The following LRRC4C variants were observed in gnomAD, a reference collection of about 807,000 sequenced individuals.
LRRC4C encodes the protein leucine rich repeat containing 4C.
A neutral mutation model predicts 33.6 loss-of-function variants in LRRC4C; 5 were observed. That is an observed-to-expected ratio of 0.15 (90% CI 0.08 to 0.31). The LOEUF is 0.31. Ranked by LOEUF, LRRC4C falls within the 10% of genes least tolerant of loss-of-function variation. The pLI, the probability that LRRC4C is intolerant of heterozygous loss-of-function variation, is 1.00. For missense variants in LRRC4C, 560 were observed against 796.7 expected, an observed-to-expected ratio of 0.70 and a Z score of 3.58; for synonymous variants, 329 against 302.0, an observed-to-expected ratio of 1.09 and a Z score of -0.93.
chr11:40,426,724 T>C (rs1950730082), intron 3 of LRRC4C, among the ~76,000 whole-genome samples: 1 of 152,232 alleles, frequency 6.6e-6, no homozygotes, highest in African/African-American at 2.4e-5. Context: ...TCCTGAATAC[T>C]TAGAATAGTT....
intron 3 of LRRC4C, among the ~76,000 whole-genome samples, chr11:40,324,525 C>A (rs1437835416): frequency 2.0e-5 from 3 of 152,130 alleles, no homozygotes; most frequent in Non-Finnish European, 4.4e-5. Flanking sequence ...TGAGTTCTAC[C>A]ACCCTCACTC....
At chr11:40,359,212 C>G (rs1459615458) in intron 3 of LRRC4C, among the ~76,000 whole-genome samples, 1 of 152,244 alleles carries the variant, frequency 6.6e-6, no homozygotes, top group South Asian at 2.1e-4. Flanking sequence ...AGCAGGATAC[C>G]AGTATGTGGC....
chr11:41,133,333 A>T (rs1467112910), intron 1 of LRRC4C, among the ~76,000 whole-genome samples: 1 of 152,126 alleles, frequency 6.6e-6, no homozygotes, highest in African/African-American at 2.4e-5. Context: ...GAGAGTAGAA[A>T]ATACTTAGGA....
At chr11:40,501,513 G>T (rs762424390) in intron 3 of LRRC4C, among the ~76,000 whole-genome samples, 3 of 152,186 alleles carry the variant, frequency 2.0e-5, no homozygotes, top group Non-Finnish European at 4.4e-5. Context: ...CTCAATTCAT[G>T]ACTTCTGTGC....
chr11:40,484,747 T>C (rs1185251245), intron 3 of LRRC4C, among the ~76,000 whole-genome samples: 1 of 152,092 alleles, frequency 6.6e-6, no homozygotes, highest in African/African-American at 2.4e-5. Context: ...AAAAGAATTA[T>C]TCCAAATAGC....
intron 2 of LRRC4C, among the ~76,000 whole-genome samples, chr11:40,764,390 A>G (rs572656132): frequency 1.3e-5 from 2 of 152,198 alleles, no homozygotes; most frequent in Middle Eastern, 3.4e-3. Context: ...AGTACAGAAG[A>G]GGAAAGAGTG....
intron 1 of LRRC4C, among the ~76,000 whole-genome samples, chr11:41,205,406 G>A (rs1452478864): frequency 6.6e-6 from 1 of 152,174 alleles, no homozygotes; most frequent in African/African-American, 2.4e-5. Flanking sequence ...AAATCTTCAA[G>A]GCAGGAGACA....
At chr11:40,551,032 T>C (rs954308363) in intron 3 of LRRC4C, among the ~76,000 whole-genome samples, 2 of 152,116 alleles carry the variant, frequency 1.3e-5, no homozygotes, top group Admixed American at 6.6e-5. Context: ...AGGGGAAGAT[T>C]AAAGAGATCC....
At chr11:40,555,014 C>G (rs147251224) in intron 3 of LRRC4C, among the ~76,000 whole-genome samples, 1 of 143,086 alleles carries the variant, frequency 7.0e-6, no homozygotes, top group Non-Finnish European at 1.5e-5. Context: ...AGCCACCGCG[C>G]CCGGCCAATG....
chr11:41,372,570 T>A (rs1374925575), intron 1 of LRRC4C, among the ~76,000 whole-genome samples: 1 of 152,190 alleles, frequency 6.6e-6, no homozygotes, highest in Non-Finnish European at 1.5e-5. Flanking sequence ...ACCAAACTTA[T>A]GAACTATTAA....
intron 5 of LRRC4C, among the ~76,000 whole-genome samples, chr11:40,213,101 T>C (rs538467314): frequency 6.5e-4 from 99 of 152,240 alleles, no homozygotes; most frequent in African/African-American, 2.2e-3. Flanking sequence ...AAACTCAACT[T>C]AGAGCCACAA....
chr11:40,733,067 T>G (rs1947678977), intron 2 of LRRC4C, among the ~76,000 whole-genome samples: 1 of 95,916 alleles, frequency 1.0e-5, no homozygotes, highest in Non-Finnish European at 2.0e-5. Flanking sequence ...TATAGTTTTT[T>G]TTTTTTTTTT....
At chr11:40,548,009 G>A (rs115125288) in intron 3 of LRRC4C, among the ~76,000 whole-genome samples, 2,907 of 152,090 alleles carry the variant, frequency 0.019, 101 homozygotes, top group African/African-American at 0.066. Flanking sequence ...CAATAAACAC[G>A]GAGAATCAGT....
At chr11:41,071,478 G>A (rs144581872) in intron 1 of LRRC4C, among the ~76,000 whole-genome samples, 2,161 of 152,146 alleles carry the variant, frequency 0.014, 11 homozygotes, top group Middle Eastern at 0.041. Flanking sequence ...CAAATTATGC[G>A]AACTCTGCTC....
chr11:41,043,466 T>C (rs1307597321), intron 1 of LRRC4C, among the ~76,000 whole-genome samples: 1 of 152,160 alleles, frequency 6.6e-6, no homozygotes. Flanking sequence ...AAATCTGCTA[T>C]AAAAGGAAGT....
chr11:41,239,043 C>T (rs560842831), intron 1 of LRRC4C, among the ~76,000 whole-genome samples: 1 of 150,732 alleles, frequency 6.6e-6, no homozygotes, highest in African/African-American at 2.4e-5. Context: ...TGGCCGGGCA[C>T]GGTGTCTCAC....
At chr11:40,925,059 G>C (rs998518681) in intron 2 of LRRC4C, among the ~76,000 whole-genome samples, 2 of 152,082 alleles carry the variant, frequency 1.3e-5, no homozygotes, top group Admixed American at 1.3e-4. Context: ...GAGCAAATGT[G>C]CTATGCCTGG....
At chr11:40,690,813 T>C (rs1945189141) in intron 2 of LRRC4C, among the ~76,000 whole-genome samples, 1 of 151,962 alleles carries the variant, frequency 6.6e-6, no homozygotes, top group Admixed American at 6.6e-5. Flanking sequence ...AAGATGCAGT[T>C]TGAAGAAAAA....
At chr11:40,142,839 C>A (rs979550734) in intron 5 of LRRC4C, among the ~76,000 whole-genome samples, 1 of 152,164 alleles carries the variant, frequency 6.6e-6, no homozygotes, top group Non-Finnish European at 1.5e-5. Flanking sequence ...CTTGTATATA[C>A]TACTGCTTTT....
Sources: gnomAD v4.1 joint callset for allele counts (sites outside exome capture counted in the v4.1 genomes callset) on GRCh38, gnomAD v4.1.1 for gene constraint, MANE v1.5 for transcripts, NCBI Gene and HGNC (gene_info 2026-07-23, HGNC 2026-07-21) for gene names.